Variants in TPD52L1 observed in about 807,000 individuals in gnomAD.
The protein encoded by TPD52L1 is TPD52 like 1.
TPD52L1 carries 18 observed loss-of-function variants against 28.7 expected under a neutral mutation model. The ratio of observed to expected loss-of-function variants is 0.63; its 90% CI spans 0.43 to 0.93. The LOEUF (loss-of-function observed/expected upper bound fraction) is 0.93, where lower values mean the gene tolerates loss of function less well. Ranked by LOEUF, TPD52L1 falls within the 40% of genes least tolerant of loss-of-function variation. TPD52L1 has a pLI of 0.00. For synonymous variants in TPD52L1, 75 were observed against 88.8 expected, an observed-to-expected ratio of 0.84 and a Z score of 0.88; for missense variants, 203 against 254.8, an observed-to-expected ratio of 0.80 and a Z score of 1.39.
chr6:125,249,933 T>C (rs1318066642), intron 4 of TPD52L1, among the ~76,000 whole-genome samples: 1 of 152,142 alleles, frequency 6.6e-6, no homozygotes, highest in Non-Finnish European at 1.5e-5. Flanking sequence ...TAATAAAAAG[T>C]AATTGAAATT....
chr6:125,191,188 C>T (rs528333370), intron 1 of TPD52L1, among the ~76,000 whole-genome samples: 5 of 152,170 alleles, frequency 3.3e-5, no homozygotes, highest in South Asian at 2.1e-4. Flanking sequence ...TGTGGAGTTG[C>T]GTTGTTGTTT....
rs1791066934 is a variant in TPD52L1 at position 125,168,577 on chromosome 6, G to A, written c.19+14607G>A. On this transcript the variant is annotated intron_variant, in intron 1 of 6. Coordinates refer to ENST00000534000, the MANE Select transcript of TPD52L1 (RefSeq NM_003287.4). ...CTGTTGCCCAGGCTGGAGTGCAGTG[G>A]CACAATTTTGGCTCACTGCAAGCTC... 2.6e-5 allele frequency among the ~76,000 whole-genome samples: 4 copies of A among 151,298 alleles called. No individual in the cohort carries two copies. The South Asian group carries it at 8.4e-4, about 32-fold the overall frequency.
intron 1 of TPD52L1, among the ~76,000 whole-genome samples, chr6:125,213,328 G>A (rs1486420148): frequency 1.3e-5 from 2 of 152,232 alleles, no homozygotes; most frequent in East Asian, 1.9e-4. Context: ...CATCTGGTGT[G>A]CCTGGTGTAT....
intron 1 of TPD52L1, among the ~76,000 whole-genome samples, chr6:125,172,643 CTA>C (rs1279879205): frequency 8.6e-6 from 1 of 116,836 alleles, no homozygotes; most frequent in Non-Finnish European, 1.7e-5. Context: ...ATATAATAAA[CTA>C]TATAATAAAT....
At chr6:125,216,268 G>C (rs1298081051) in intron 1 of TPD52L1, among the ~76,000 whole-genome samples, 1 of 151,958 alleles carries the variant, frequency 6.6e-6, no homozygotes, top group African/African-American at 2.4e-5. Flanking sequence ...TTTAGCAGTA[G>C]GTTACAAAAT....
chr6:125,206,854 G>A (rs1381349990), intron 1 of TPD52L1, among the ~76,000 whole-genome samples: 2 of 152,150 alleles, frequency 1.3e-5, no homozygotes, highest in Non-Finnish European at 2.9e-5. Flanking sequence ...GACTTCAGTA[G>A]TGTGAGTATG....
At chr6:125,172,177 CTT>C (rs1165041357) in intron 1 of TPD52L1, among the ~76,000 whole-genome samples, 1 of 112,638 alleles carries the variant, frequency 8.9e-6, no homozygotes, top group African/African-American at 3.6e-5. Flanking sequence ...TTCTTTCTTT[CTT>C]TCTTTCTTTC....
chr6:125,200,230 A>G (rs1489446095), intron 1 of TPD52L1, among the ~76,000 whole-genome samples: 1 of 152,196 alleles, frequency 6.6e-6, no homozygotes, highest in African/African-American at 2.4e-5. Context: ...CGTTTGATCT[A>G]TTTAAAAAAA....
At chr6:125,177,219 T>G (rs758575746) in intron 1 of TPD52L1, among the ~76,000 whole-genome samples, 9 of 152,270 alleles carry the variant, frequency 5.9e-5, no homozygotes, top group East Asian at 1.9e-4. Context: ...TTTCTAATCT[T>G]CCAAACCCGT....
chr6:125,217,653 G>A (rs979498812), intron 1 of TPD52L1, among the ~76,000 whole-genome samples: 6 of 152,128 alleles, frequency 3.9e-5, no homozygotes, highest in African/African-American at 9.7e-5. Flanking sequence ...GTAACAGACC[G>A]GTACTGGTCC....
intron 1 of TPD52L1, among the ~76,000 whole-genome samples, chr6:125,183,389 G>A (rs1792353134): frequency 6.6e-6 from 1 of 152,184 alleles, no homozygotes; most frequent in African/African-American, 2.4e-5. Flanking sequence ...TGAGGCAGAA[G>A]AATGGCCTGA....
intron 3 of TPD52L1, among the ~76,000 whole-genome samples, chr6:125,235,460 G>A (rs1458536592): frequency 6.6e-6 from 1 of 152,164 alleles, no homozygotes; most frequent in Non-Finnish European, 1.5e-5. Flanking sequence ...ATTTAAGGAA[G>A]TTTATGAGTT....
At chr6:125,182,154 T>A (rs1369975474) in intron 1 of TPD52L1, among the ~76,000 whole-genome samples, 1 of 152,198 alleles carries the variant, frequency 6.6e-6, no homozygotes, top group African/African-American at 2.4e-5. Context: ...GCCTGGGGCC[T>A]TTTAAAAGCT....
chr6:125,222,643 C>T (rs1214812934), intron 2 of TPD52L1, among the ~76,000 whole-genome samples: 1 of 152,112 alleles, frequency 6.6e-6, no homozygotes, highest in Admixed American at 6.6e-5. Flanking sequence ...TATTTTGAGC[C>T]TTGAAGGAAT....
chr6:125,258,066 G>A (rs150151739), intron 6 of TPD52L1, among the ~76,000 whole-genome samples: 120 of 152,224 alleles, frequency 7.9e-4, no homozygotes, highest in African/African-American at 2.8e-3. Flanking sequence ...CTGCTCTCAC[G>A]TGTGCTGCCT....
intron 1 of TPD52L1, among the ~76,000 whole-genome samples, chr6:125,181,129 G>A (rs1390985327): frequency 6.6e-6 from 1 of 152,014 alleles, no homozygotes; most frequent in Non-Finnish European, 1.5e-5. Context: ...TGAATACGAT[G>A]TTAATATTAT....
At chr6:125,210,111 G>A (rs1037267512) in intron 1 of TPD52L1, among the ~76,000 whole-genome samples, 3 of 152,164 alleles carry the variant, frequency 2.0e-5, no homozygotes, top group African/African-American at 7.2e-5. Context: ...AAAGCTTATG[G>A]ACGTTCAGGA....
chr6:125,201,426 A>G (rs12202193), intron 1 of TPD52L1, among the ~76,000 whole-genome samples: 7,877 of 152,208 alleles, frequency 0.052, 377 homozygotes, highest in African/African-American at 0.12. Context: ...TGCCCTACTG[A>G]TGGACGTTTA....
chr6:125,238,284 C>A (rs886865159), intron 3 of TPD52L1, among the ~76,000 whole-genome samples: 8 of 152,122 alleles, frequency 5.3e-5, no homozygotes, highest in Non-Finnish European at 1.0e-4. Context: ...GTTTTTATTT[C>A]TAGTCTTTAA....
Sources: allele counts gnomAD v4.1 joint callset (sites outside exome capture counted in the v4.1 genomes callset), GRCh38; gene constraint gnomAD v4.1.1; transcripts MANE v1.5; gene names NCBI Gene and HGNC (gene_info 2026-07-23, HGNC 2026-07-21).